PIEZO2: variants seen among roughly 807,000 people sequenced by gnomAD.
PIEZO2 encodes piezo-type mechanosensitive ion channel component 2.
PIEZO2 carries 172 observed loss-of-function variants against 337.3 expected under a neutral mutation model. That is an observed-to-expected ratio of 0.51 (90% CI 0.45 to 0.58). PIEZO2 has a LOEUF of 0.58. PIEZO2 is among the 20% of genes least tolerant of loss of function. PIEZO2 has a pLI of 0.00. For synonymous variants in PIEZO2, 1,251 were observed against 1,228.5 expected (o/e 1.02, Z -0.38); for missense variants, 3,028 against 3,391.3 (o/e 0.89, Z 2.66).
chr18:10,898,224 A>T (rs1180521456), intron 4 of PIEZO2, among the ~76,000 whole-genome samples: 1 of 152,232 alleles, frequency 6.6e-6, no homozygotes, highest in Non-Finnish European at 1.5e-5. Flanking sequence ...GATCGAGACC[A>T]TCCTGGCTAA....
At chr18:11,055,027 C>T (rs1048052399) in intron 2 of PIEZO2, among the ~76,000 whole-genome samples, 8 of 151,942 alleles carry the variant, frequency 5.3e-5, no homozygotes, top group Admixed American at 1.3e-4. Context: ...CTGGCTAACA[C>T]GGTGAAACCC....
chr18:10,757,820 G>T, intron 27 of PIEZO2, 149 bp downstream of exon 27: 1 of 904,216 alleles, frequency 1.1e-6, no homozygotes, highest in Non-Finnish European at 1.6e-6. Context: ...CCTCCAGGCT[G>T]CTGAACCACA....
At chr18:10,858,556 A>AT (rs750077339) in intron 5 of PIEZO2, among the ~76,000 whole-genome samples, 6 of 152,090 alleles carry the variant, frequency 3.9e-5, no homozygotes, top group Admixed American at 3.9e-4. Context: ...CCATGTTCCC[A>AT]TTTTTAATGG....
rs2144692269 is a variant in PIEZO2 at position 10,855,291 on chromosome 18, C to G, written c.917+62G>C. 1 of 1,402,130 alleles carries G rather than the reference C, an allele frequency of 7.1e-7. No homozygotes were observed. Among genetic ancestry groups the G allele is most frequent in the African/African-American group, 1.4e-5 (1 of 69,988 alleles). The allele number at this position is 1,402,130 out of a possible 1,614,324, so 86.9% of individuals were successfully genotyped here. On this transcript the variant is annotated intron_variant, in intron 7 of 55. Coordinates refer to ENST00000674853, the MANE Select transcript of PIEZO2 (RefSeq NM_001378183.1). This position sits in a 1 kb window ranked among gnomAD's most constrained non-coding sequence, Gnocchi z 4.9. ...ACCCCTGTAAATTCACAATGCCAAACCAAGGTCCCAAAGGCGTGGGGGGAC... is the reference window on the plus strand; with the variant it reads ...ACCCCTGTAAATTCACAATGCCAAAGCAAGGTCCCAAAGGCGTGGGGGGAC...
At chr18:10,839,341 G>A (rs1252080553) in intron 7 of PIEZO2, among the ~76,000 whole-genome samples, 1 of 152,182 alleles carries the variant, frequency 6.6e-6, no homozygotes, top group East Asian at 1.9e-4. Context: ...CTTTTATTCA[G>A]CAAGTATTTG....
At chr18:10,896,456 G>A (rs1055211388) in intron 4 of PIEZO2, among the ~76,000 whole-genome samples, 8 of 152,168 alleles carry the variant, frequency 5.3e-5, no homozygotes, top group African/African-American at 4.8e-5. Context: ...TATGGAATTC[G>A]ATTATCTGTG....
chr18:10,968,858 G>A (rs1192749533), intron 3 of PIEZO2, among the ~76,000 whole-genome samples: 2 of 151,986 alleles, frequency 1.3e-5, no homozygotes, highest in African/African-American at 4.8e-5. Context: ...TAAATGTAAG[G>A]CATAAATTAT....
chr18:10,701,953 A>C, intron 43 of PIEZO2, 36 bp downstream of exon 43: 1 of 1,461,340 alleles, frequency 6.8e-7, no homozygotes, highest in Non-Finnish European at 9.0e-7. Context: ...TAGGAAGATG[A>C]CCAACTTGAA....
Position 10,686,154 on chromosome 18 carries a change from C to T in PIEZO2, c.7497+3501G>A, listed in dbSNP as rs527327307. Among the ~76,000 whole-genome samples, 23 of 152,348 alleles carry T rather than the reference C, an allele frequency of 1.5e-4. 1 individual carries two copies. The highest frequency in any genetic ancestry group is 1.4e-3 in the Admixed American group (22 of 15,308). On this transcript the variant is annotated intron_variant, in intron 49 of 55. Coordinates refer to ENST00000674853, the MANE Select transcript of PIEZO2 (RefSeq NM_001378183.1). ...CTTGTTGGGCTTGATCCCTCCAAGA[C>T]GCTGCCTCCAGTGAGCTCCTAAGTC...
At chr18:10,852,876 A>G (rs73943049) in intron 7 of PIEZO2, among the ~76,000 whole-genome samples, 1 of 152,240 alleles carries the variant, frequency 6.6e-6, no homozygotes, top group African/African-American at 2.4e-5. Flanking sequence ...ACGTCAGGAG[A>G]CCATAAGGTG....
At chr18:10,812,424 G>C (rs1309514821) in intron 7 of PIEZO2, among the ~76,000 whole-genome samples, 1 of 152,060 alleles carries the variant, frequency 6.6e-6, no homozygotes, top group Non-Finnish European at 1.5e-5. Context: ...CACTCATCGG[G>C]TACTATACTT....
chr18:10,701,954 C>G, intron 43 of PIEZO2, 35 bp downstream of exon 43: 1 of 1,460,924 alleles, frequency 6.8e-7, no homozygotes, highest in Non-Finnish European at 9.0e-7. Context: ...AGGAAGATGA[C>G]CAACTTGAAC....
intron 4 of PIEZO2, among the ~76,000 whole-genome samples, chr18:10,896,786 C>T (rs2042912986): frequency 6.6e-6 from 1 of 152,146 alleles, no homozygotes; most frequent in Admixed American, 6.5e-5. Context: ...TGTGTGAGGT[C>T]CGGCATCACC....
chr18:10,789,036 C>T, intron 15 of PIEZO2, 43 bp downstream of exon 15: 1 of 1,505,586 alleles, frequency 6.6e-7, no homozygotes, highest in Non-Finnish European at 8.9e-7. Flanking sequence ...ATGTATACTC[C>T]TGGGAGAGAT....
Position 10,800,460 on chromosome 18 carries a change from C to A in PIEZO2, c.1255G>T (p.Val419Leu), listed in dbSNP as rs2039772112. ...YKPSDGLLVT[V>L]NGNPVDYHTI... ...TGGTAATCCACGGGGTTGCCGTTCA[C>A]AGTCACCAGCAGGCCCTGCCGGGAG... is the stretch of plus-strand genomic sequence containing the variant. Residue 419 changes from valine to leucine, a missense_variant, in exon 11 of 56, where the codon GTG (valine) becomes TTG (leucine). Coordinates refer to ENST00000674853, the MANE Select transcript of PIEZO2 (RefSeq NM_001378183.1). 6.5e-7 allele frequency: 1 copy of A among 1,532,026 alleles called. No homozygotes were observed. Among genetic ancestry groups the A allele is most frequent in the African/African-American group, 1.4e-5 (1 of 72,752 alleles). 94.9% of individuals were successfully genotyped at this position (1,532,026 alleles called of 1,614,324 possible).
At chr18:11,122,396 G>A (rs1323224994) in intron 1 of PIEZO2, among the ~76,000 whole-genome samples, 2 of 152,168 alleles carry the variant, frequency 1.3e-5, no homozygotes, top group Non-Finnish European at 2.9e-5. Context: ...AGTTGCAAAT[G>A]ACAATGAATA....
chr18:10,934,258 T>A (rs1382735925), intron 3 of PIEZO2, among the ~76,000 whole-genome samples: 2 of 152,180 alleles, frequency 1.3e-5, no homozygotes, highest in Non-Finnish European at 2.9e-5. Flanking sequence ...ACTACTGTAA[T>A]TTTCCCAGTA....
chr18:11,090,763 C>T (rs1230137026), intron 1 of PIEZO2, among the ~76,000 whole-genome samples: 1 of 151,800 alleles, frequency 6.6e-6, no homozygotes, highest in South Asian at 2.1e-4. Context: ...ACACAAAAAA[C>T]TAGCTGGGCG....
At chr18:10,807,399 A>T in intron 7 of PIEZO2, 125 bp from the exon 8 acceptor site, 1 of 796,200 alleles carries the variant, frequency 1.3e-6, no homozygotes, top group Non-Finnish European at 1.9e-6. Flanking sequence ...TCTATTGTAG[A>T]TATTTCAATT....
Sources: gnomAD v4.1 joint callset for allele counts (sites outside exome capture counted in the v4.1 genomes callset) on GRCh38, gnomAD v4.1.1 for gene constraint, Gnocchi (gnomAD v3.1) non-coding constraint, MANE v1.5 for transcripts, NCBI Gene and HGNC (gene_info 2026-07-23, HGNC 2026-07-21) for gene names.